KCNJ10: variants seen among roughly 807,000 people sequenced by gnomAD.
The protein encoded by KCNJ10 is ATP-sensitive inward rectifier potassium channel 10.
Under a neutral mutation model 22.2 loss-of-function variants are expected in KCNJ10, and 9 were observed. That is an observed-to-expected ratio of 0.40 (90% CI 0.24 to 0.71). The LOEUF is 0.71. Ranked by LOEUF, KCNJ10 falls within the 30% of genes least tolerant of loss-of-function variation. The probability of loss-of-function intolerance (pLI) is 0.35; values close to 1 mark genes in which losing one functional copy is unlikely to be tolerated. For missense variants in KCNJ10, 337 were observed against 482.7 expected, an observed-to-expected ratio of 0.70 and a Z score of 2.83; for synonymous variants, 184 against 187.3, an observed-to-expected ratio of 0.98 and a Z score of 0.15.
intron 1 of KCNJ10, among the ~76,000 whole-genome samples, chr1:160,053,607 AGT>A (rs58451151): frequency 0.08 from 11,889 of 149,092 alleles, 1,194 homozygotes; most frequent in African/African-American, 0.24. Context: ...AAAAGAGGGC[AGT>A]GTGTGTGTGT....
Position 160,039,899 on chromosome 1 carries a change from A to G in KCNJ10, c.*1494T>C, listed in dbSNP as rs1648564572. On this transcript the variant is annotated 3_prime_UTR_variant, in exon 2 of 2. Transcript: ENST00000644903. ...TCTAGGGATTTGGGGCTTTGGATAA[A>G]GCTCTGGTGCCTATATGCCCTTCCC... 6.6e-6 allele frequency: 1 copy of G among 152,248 alleles called. No individual in the cohort carries two copies. The highest frequency in any genetic ancestry group is 6.5e-5 in the Admixed American group (1 of 15,278). The allele number at this position is 152,248 out of a possible 1,614,324, so 9.4% of individuals were successfully genotyped here.
At chr1:160,067,162 G>A (rs1465934675) in intron 1 of KCNJ10, among the ~76,000 whole-genome samples, 1 of 152,068 alleles carries the variant, frequency 6.6e-6, no homozygotes, top group Non-Finnish European at 1.5e-5. Context: ...ACATTCCAGA[G>A]CCAGCCCCTC....
intron 1 of KCNJ10, among the ~76,000 whole-genome samples, chr1:160,061,319 A>G (rs546713857): frequency 6.6e-6 from 1 of 152,290 alleles, no homozygotes; most frequent in East Asian, 1.9e-4. Context: ...TGGGAAAATG[A>G]TAACTGTTCC....
rs146396982 is a variant in KCNJ10, at chr1:160,041,490, C to T, written c.1043G>A (p.Arg348His). The T allele has an allele frequency of 4.1e-4, 668 of 1,614,150 alleles. No homozygotes were observed. Among genetic ancestry groups the T allele is most frequent in the Middle Eastern group, 6.6e-4 (4 of 6,060 alleles). Reference protein sequence around the residue: ...SPSGLRDSTVRYGDPEKLKLE... With the variant: ...SPSGLRDSTVHYGDPEKLKLE... ...CTTGAGCTTTTCAGGGTCTCCGTAGCGTACAGTGCTGTCACGGAGGCCACT... is the reference window on the plus strand; with the variant it reads ...CTTGAGCTTTTCAGGGTCTCCGTAGTGTACAGTGCTGTCACGGAGGCCACT... The change falls in exon 2 of 2, where the codon CGC (arginine) becomes CAC (histidine). Residue 348 changes from arginine to histidine, a missense_variant. By Grantham distance (29) the Arg-to-His change is conservative. Around this residue, in one of 3 missense-constraint regions of KCNJ10, gnomAD observed 65 missense variants for 66.0 expected, o/e 0.98. Transcript: ENST00000644903. This position sits in a 1 kb window ranked among gnomAD's most constrained non-coding sequence, Gnocchi z 4.4.
intron 1 of KCNJ10, among the ~76,000 whole-genome samples, chr1:160,047,894 C>G (rs1653419537): frequency 6.6e-6 from 1 of 152,176 alleles, no homozygotes; most frequent in African/African-American, 2.4e-5. Context: ...GCATGTGCCA[C>G]CATGCCCAGC....
Position 160,041,070 on chromosome 1 carries a change from C to G in KCNJ10, c.*323G>C. On this transcript the variant is annotated 3_prime_UTR_variant, in exon 2 of 2. Coordinates refer to ENST00000644903, the MANE Select transcript of KCNJ10 (RefSeq NM_002241.5). This position sits in a 1 kb window ranked among gnomAD's most constrained non-coding sequence, Gnocchi z 4.4. ...GGGAGGTAGGGGGCAGTCTATCCTT[C>G]CAACCACATGGTCCTCCTAATGTGA... 2.4e-6 allele frequency: 1 copy of G among 412,130 alleles called. No individual in the cohort carries two copies. Among genetic ancestry groups the G allele is most frequent in the Non-Finnish European group, 4.5e-6 (1 of 221,954 alleles). 25.5% of individuals were successfully genotyped at this position (412,130 alleles called of 1,614,324 possible).
Position 160,040,445 on chromosome 1 carries a change from G to T in KCNJ10, c.*948C>A. The T allele has an allele frequency of 2.5e-6, 1 of 398,364 alleles. No individual in the cohort carries two copies. Among genetic ancestry groups the T allele is most frequent in the Non-Finnish European group, 4.4e-6 (1 of 225,924 alleles). 24.7% of individuals were successfully genotyped at this position (398,364 alleles called of 1,614,324 possible). A position where few individuals can be genotyped will look rare whatever the true frequency, so the allele number is the denominator to read the frequency against. On this transcript the variant is annotated 3_prime_UTR_variant, in exon 2 of 2. Coordinates refer to ENST00000644903, the MANE Select transcript of KCNJ10 (RefSeq NM_002241.5). ...GTTAAGGAAGAAGGATCTAGGCTGA[G>T]CAGGAAAGGAAGAAGAGAAGCCAGG...
intron 1 of KCNJ10, among the ~76,000 whole-genome samples, chr1:160,054,096 T>C (rs1648969015): frequency 6.6e-6 from 1 of 152,220 alleles, no homozygotes; most frequent in South Asian, 2.1e-4. Flanking sequence ...ACCCCCTGTT[T>C]CGCCGGCTGG....
At chr1:160,066,694 G>A (rs1228716339) in intron 1 of KCNJ10, among the ~76,000 whole-genome samples, 1 of 152,178 alleles carries the variant, frequency 6.6e-6, no homozygotes, top group African/African-American at 2.4e-5. Context: ...GTCTCTCAGA[G>A]CGGAAAGTAG....
At chr1:160,059,937 T>C (rs1649147294) in intron 1 of KCNJ10, among the ~76,000 whole-genome samples, 1 of 152,218 alleles carries the variant, frequency 6.6e-6, no homozygotes, top group South Asian at 2.1e-4. Context: ...AATTTCTTCC[T>C]ATTTGTACCC....
intron 1 of KCNJ10, among the ~76,000 whole-genome samples, chr1:160,053,414 G>C (rs900809573): frequency 6.6e-6 from 1 of 152,218 alleles, no homozygotes; most frequent in African/African-American, 2.4e-5. Context: ...GGTAAGAGAG[G>C]AAGGGCAGGA....
chr1:160,068,784 G>A (rs546669626), intron 1 of KCNJ10, among the ~76,000 whole-genome samples: 143 of 152,316 alleles, frequency 9.4e-4, no homozygotes, highest in African/African-American at 3.4e-3. Context: ...AGATTAGGGA[G>A]AGAGTTTCAG....
At chr1:160,042,936 C>CAAA (rs57965630) in intron 1 of KCNJ10, among the ~76,000 whole-genome samples, 27 of 136,470 alleles carry the variant, frequency 2.0e-4, no homozygotes, top group East Asian at 1.9e-3. Flanking sequence ...GACTCCGTCT[C>CAAA]AAAAAAAAAA....
chr1:160,041,664 G>C lies in KCNJ10; in HGVS notation c.869C>G (p.Thr290Ser). 1 of 1,614,192 alleles carries C rather than the reference G, an allele frequency of 6.2e-7. No homozygotes were observed. Among genetic ancestry groups the C allele is most frequent in the East Asian group, 2.2e-5 (1 of 44,886 alleles). Residue 290 changes from threonine to serine, a missense_variant, in exon 2 of 2, where the codon ACC (threonine) becomes AGC (serine). By Grantham distance (58) the Thr-to-Ser change is moderately conservative. Around this residue, in one of 3 missense-constraint regions of KCNJ10, gnomAD observed 165 missense variants for 281.5 expected, o/e 0.59. Coordinates refer to ENST00000644903, the MANE Select transcript of KCNJ10 (RefSeq NM_002241.5). The surrounding 1 kb of genome is among the most constrained non-coding windows in gnomAD (Gnocchi z 4.4). The stretch of plus-strand genomic sequence containing the variant: ...AGTGCGCACCTGACAGGTGGCACTG[G>C]TGGACTCCACTGTCCCACTTAGGAT... ...VLILSGTVES[T>S]SATCQVRTSY...
rs1383856339 is a variant in KCNJ10, at chr1:160,037,655, A to C, written c.*3738T>G. On this transcript the variant is annotated 3_prime_UTR_variant, in exon 2 of 2. Transcript: ENST00000644903. ...TGGCCATTACTGAGCCTGGAGACCC[A>C]TGCTAACTTTCCAGCAAAGGTAGTG... is the stretch of plus-strand genomic sequence containing the variant. 1 of 152,222 alleles carries C rather than the reference A, an allele frequency of 6.6e-6. No individual in the cohort carries two copies. The highest frequency in any genetic ancestry group is 1.9e-4 in the East Asian group (1 of 5,196). 9.4% of individuals were successfully genotyped at this position (152,222 alleles called of 1,614,324 possible).
In KCNJ10 at chr1:160,041,321, G is replaced by C; in HGVS notation, c.*72C>G. 5 of 1,445,898 alleles carry C rather than the reference G, an allele frequency of 3.5e-6. No homozygotes were observed. The highest frequency in any genetic ancestry group is 4.8e-6 in the Non-Finnish European group (5 of 1,043,854). The allele number at this position is 1,445,898 out of a possible 1,614,324, so 89.6% of individuals were successfully genotyped here. A position where few individuals can be genotyped will look rare whatever the true frequency, so the allele number is the denominator to read the frequency against. ...CTTCGGGGGATCTCCAGTAAACCCG[G>C]GTAGTATTCCTTACCAGGGCATTGG... On this transcript the variant is annotated 3_prime_UTR_variant, in exon 2 of 2. Coordinates refer to ENST00000644903, the MANE Select transcript of KCNJ10 (RefSeq NM_002241.5). This position sits in a 1 kb window ranked among gnomAD's most constrained non-coding sequence, Gnocchi z 4.4.
intron 1 of KCNJ10, among the ~76,000 whole-genome samples, chr1:160,058,308 C>G (rs551028526): frequency 2.0e-5 from 3 of 152,294 alleles, no homozygotes; most frequent in Non-Finnish European, 4.4e-5. Flanking sequence ...AGGCTGTGCT[C>G]AGCCCCACCC....
At chr1:160,056,110 G>A (rs1204693774) in intron 1 of KCNJ10, among the ~76,000 whole-genome samples, 1 of 151,944 alleles carries the variant, frequency 6.6e-6, no homozygotes, top group Admixed American at 6.6e-5. Flanking sequence ...CATCATTTCT[G>A]CCTTCATGAC....
Position 160,041,351 on chromosome 1 carries a change from G to C in KCNJ10, c.*42C>G. On this transcript the variant is annotated 3_prime_UTR_variant, in exon 2 of 2. Coordinates refer to ENST00000644903, the MANE Select transcript of KCNJ10 (RefSeq NM_002241.5). The surrounding 1 kb of genome is among the most constrained non-coding windows in gnomAD (Gnocchi z 4.4). ...TATTCCTTACCAGGGCATTGGAAGAGAGGAAAAGAGACCAGAGGAATGGGG... is the reference window on the plus strand; with the variant it reads ...TATTCCTTACCAGGGCATTGGAAGACAGGAAAAGAGACCAGAGGAATGGGG... The C allele has an allele frequency of 6.3e-7, 1 of 1,585,732 alleles. No individual in the cohort carries two copies. Among genetic ancestry groups the C allele is most frequent in the South Asian group, 1.1e-5 (1 of 89,096 alleles).
Sources: allele counts gnomAD v4.1 joint callset (sites outside exome capture counted in the v4.1 genomes callset), GRCh38; gene constraint gnomAD v4.1.1; regional missense constraint gnomAD v4.1.1; non-coding constraint Gnocchi (gnomAD v3.1); transcripts MANE v1.5; gene names NCBI Gene and HGNC (gene_info 2026-07-23, HGNC 2026-07-21).